Variants in MREG observed in about 807,000 individuals in gnomAD.
The protein encoded by MREG is melanoregulin, also known as dilute suppressor protein homolog.
Under a neutral mutation model 28.5 loss-of-function variants are expected in MREG, and 31 were observed. That is an observed-to-expected ratio of 1.09 (90% confidence interval 0.82 to 1.47). The LOEUF is 1.47. MREG is among the 40% of genes most tolerant of loss of function. The probability of loss-of-function intolerance (pLI) is 0.00; values close to 1 mark genes in which losing one functional copy is unlikely to be tolerated. For missense variants in MREG, 256 were observed against 257.4 expected, an observed-to-expected ratio of 0.99 and a Z score of 0.04; for synonymous variants, 106 against 95.2, an observed-to-expected ratio of 1.11 and a Z score of -0.66.
rs73072165 is a variant in MREG at position 215,966,468 on chromosome 2, T to C, written c.256-19355A>G. 9.9e-3 allele frequency among the ~76,000 whole-genome samples: 1,505 copies of C among 152,320 alleles called. 23 individuals are homozygous for C. Among genetic ancestry groups the C allele is most frequent in the African/African-American group, 0.033 (1,363 of 41,560 alleles). On this transcript the variant is annotated intron_variant, in intron 2 of 4. Transcript: ENST00000263268. The stretch of plus-strand genomic sequence containing the variant: ...CCCCAAGCACATCTAGAGCACACTG[T>C]GTCCCCACAAACAAACCTGGTCACA...
intron 1 of MREG, among the ~76,000 whole-genome samples, chr2:216,026,779 T>A (rs1342527155): frequency 6.6e-6 from 1 of 152,216 alleles, no homozygotes; most frequent in Non-Finnish European, 1.5e-5. Flanking sequence ...GCCCACTTTA[T>A]GAAAATTAAT....
intron 1 of MREG, among the ~76,000 whole-genome samples, chr2:216,006,193 AT>A (rs1233746687): frequency 2.2e-4 from 34 of 152,248 alleles, no homozygotes; most frequent in Admixed American, 1.6e-3. Flanking sequence ...GGAACTTCCA[AT>A]GGCACTATGA....
chr2:215,967,415 C>T (rs1692971659), intron 2 of MREG, among the ~76,000 whole-genome samples: 1 of 152,172 alleles, frequency 6.6e-6, no homozygotes, highest in South Asian at 2.1e-4. Flanking sequence ...ACTAATCTCA[C>T]ATAATAGAGC....
intron 2 of MREG, among the ~76,000 whole-genome samples, chr2:215,983,389 C>T (rs1469729367): frequency 2.6e-5 from 4 of 152,356 alleles, no homozygotes; most frequent in South Asian, 4.1e-4. Context: ...CTGTTTCTCC[C>T]ACCCAATATT....
At chr2:215,998,307 CAA>C (rs1222506866) in intron 1 of MREG, among the ~76,000 whole-genome samples, 36 of 123,908 alleles carry the variant, frequency 2.9e-4, no homozygotes, top group African/African-American at 9.2e-4. Context: ...CTCCATCTCA[CAA>C]AAAAAAAAAA....
At chr2:215,946,242 A>G (rs1371141103) in intron 3 of MREG, among the ~76,000 whole-genome samples, 3 of 151,916 alleles carry the variant, frequency 2.0e-5, no homozygotes, top group African/African-American at 7.3e-5. Context: ...TTGTTTAAAA[A>G]AAAAAAAAGG....
intron 1 of MREG, among the ~76,000 whole-genome samples, chr2:216,025,237 C>A (rs1488058540): frequency 6.6e-6 from 1 of 152,010 alleles, no homozygotes; most frequent in African/African-American, 2.4e-5. Context: ...CCACTGATAC[C>A]CAGAAGAGGT....
chr2:216,005,749 C>T (rs1471222111), intron 1 of MREG, among the ~76,000 whole-genome samples: 1 of 151,146 alleles, frequency 6.6e-6, no homozygotes, highest in Non-Finnish European at 1.5e-5. Flanking sequence ...CAACCATGCC[C>T]AGCCTATAGT....
chr2:215,989,090 C>A (rs531039660), intron 2 of MREG, among the ~76,000 whole-genome samples: 1 of 152,296 alleles, frequency 6.6e-6, no homozygotes, highest in South Asian at 2.1e-4. Context: ...CCCTATGCCT[C>A]CTGACCAGGA....
chr2:215,940,856 C>T (rs73988042), downstream of MREG, among the ~76,000 whole-genome samples: 3,409 of 151,982 alleles, frequency 0.022, 135 homozygotes, highest in African/African-American at 0.078. Context: ...TGTGTGCGCG[C>T]GTGTGTGTGT....
chr2:215,975,980 C>CG (rs1553550506), intron 2 of MREG, among the ~76,000 whole-genome samples: 1 of 151,880 alleles, frequency 6.6e-6, no homozygotes, highest in Non-Finnish European at 1.5e-5. Flanking sequence ...CAGCTACTCG[C>CG]GGGGGGCGTG....
chr2:215,947,613 T>C (rs1323682275), intron 2 of MREG, among the ~76,000 whole-genome samples: 2 of 152,216 alleles, frequency 1.3e-5, no homozygotes, highest in African/African-American at 2.4e-5. Flanking sequence ...AAGCCAAGTC[T>C]GGCTCAAAAG....
At chr2:216,025,669 C>T (rs1190193651) in intron 1 of MREG, among the ~76,000 whole-genome samples, 3 of 152,228 alleles carry the variant, frequency 2.0e-5, no homozygotes, top group East Asian at 1.9e-4. Flanking sequence ...TGGCCTTAGC[C>T]GAGGCAGCCC....
chr2:216,031,435 A>G (rs941814204), intron 1 of MREG, among the ~76,000 whole-genome samples: 3 of 142,972 alleles, frequency 2.1e-5, no homozygotes, highest in Non-Finnish European at 3.0e-5. Flanking sequence ...AAAGAAAAGA[A>G]AGAAAGAAAA....
chr2:215,976,620 T>C (rs1407481102), intron 2 of MREG, among the ~76,000 whole-genome samples: 1 of 152,160 alleles, frequency 6.6e-6, no homozygotes, highest in Non-Finnish European at 1.5e-5. Context: ...ACATCTGGAG[T>C]ACAGGGAGTG....
At chr2:215,989,423 T>A (rs1424778529) in intron 2 of MREG, among the ~76,000 whole-genome samples, 1 of 151,896 alleles carries the variant, frequency 6.6e-6, no homozygotes, top group Non-Finnish European at 1.5e-5. Context: ...GGTAGATAAA[T>A]CCCCGAAGAT....
chr2:215,994,302 T>G (rs1693800645), intron 2 of MREG, among the ~76,000 whole-genome samples: 3 of 151,356 alleles, frequency 2.0e-5, no homozygotes, highest in South Asian at 2.1e-4. Flanking sequence ...CTCAGCAAAC[T>G]AACACAGGAA....
At chr2:215,973,799 G>A (rs1447455770) in intron 2 of MREG, among the ~76,000 whole-genome samples, 1 of 152,174 alleles carries the variant, frequency 6.6e-6, no homozygotes, top group Non-Finnish European at 1.5e-5. Context: ...CCCTCTCTGA[G>A]GACAGCCTAA....
In MREG at chr2:216,027,611, T is replaced by C. The variant is rs537300563; in HGVS notation, c.-68+5178A>G. Among the ~76,000 whole-genome samples, 15 of 152,336 alleles carry C rather than the reference T, an allele frequency of 9.8e-5. No homozygotes were observed. The South Asian group carries it at 2.9e-3, about 29-fold the overall frequency. On this transcript the variant is annotated intron_variant, in intron 1 of 3. Transcript: ENST00000420348. ...GGGAGGTTGAGGCATGAGAGTCACT[T>C]GAACCTAGGAAGCAGAGGTTGCAGT...
Sources: gnomAD v4.1 joint callset for allele counts (sites outside exome capture counted in the v4.1 genomes callset) on GRCh38, gnomAD v4.1.1 for gene constraint, MANE v1.5 for transcripts, NCBI Gene and HGNC (gene_info 2026-07-23, HGNC 2026-07-21) for gene names.